The following UTRN variants were observed in gnomAD, a reference collection of about 807,000 sequenced individuals.
UTRN encodes the protein utrophin, also known as dystrophin-related protein 1.
Under a neutral mutation model 463.9 loss-of-function variants are expected in UTRN, and 283 were observed. The observed-to-expected ratio is 0.61, with a 90% CI of 0.55 to 0.67. The LOEUF is 0.67. UTRN is among the 30% of genes least tolerant of loss of function. The pLI, the probability that UTRN is intolerant of heterozygous loss-of-function variation, is 0.00. For missense variants in UTRN, 3,922 were observed against 4,084.3 expected, an observed-to-expected ratio of 0.96 and a Z score of 1.08; for synonymous variants, 1,442 against 1,431.5, an observed-to-expected ratio of 1.01 and a Z score of -0.17.
At chr6:144,459,904 C>T (rs1296075854) in intron 21 of UTRN, among the ~76,000 whole-genome samples, 1 of 151,942 alleles carries the variant, frequency 6.6e-6, no homozygotes, top group Non-Finnish European at 1.5e-5. Context: ...CCCAAAATAA[C>T]AGGTGTTAGG....
intron 51 of UTRN, among the ~76,000 whole-genome samples, chr6:144,596,177 A>G (rs1393443909): frequency 2.6e-5 from 4 of 152,200 alleles, no homozygotes; most frequent in African/African-American, 9.7e-5. Context: ...TTAATAATTC[A>G]ATAGTTTACT....
At chr6:144,400,882 A>G (rs571609467) in intron 2 of UTRN, among the ~76,000 whole-genome samples, 2 of 152,340 alleles carry the variant, frequency 1.3e-5, no homozygotes, top group South Asian at 4.1e-4. Context: ...TTTTACAAAC[A>G]TAAGAATGGG....
At chr6:144,703,853 A>G (rs1784825218) in intron 53 of UTRN, among the ~76,000 whole-genome samples, 1 of 152,186 alleles carries the variant, frequency 6.6e-6, no homozygotes, top group African/African-American at 2.4e-5. Flanking sequence ...GAAAAATCAG[A>G]TAGTAGCTGA....
chr6:144,395,216 T>C (rs2114776334), intron 2 of UTRN, among the ~76,000 whole-genome samples: 1 of 152,294 alleles, frequency 6.6e-6, no homozygotes. Context: ...ACTAATTCAC[T>C]GTGTCCTAAA....
At position 144,663,375 on chromosome 6, in the gene UTRN, A is replaced by C. The variant is rs545769919; in HGVS notation, c.7480-15031A>C. Among the ~76,000 whole-genome samples the C allele has an allele frequency of 1.4e-4, 21 of 152,290 alleles. No individual in the cohort carries two copies. In the East Asian group the frequency reaches 3.9e-3, roughly 28 times the overall value. Reference sequence around the variant, plus strand: ...CAACACACCTCTCTGAGATCCAGCCAATAGGTAGTTTTATTTGCCACGCTG... The same window carrying C: ...CAACACACCTCTCTGAGATCCAGCCCATAGGTAGTTTTATTTGCCACGCTG... On this transcript the variant is annotated intron_variant, in intron 51 of 74. Transcript: ENST00000367545.
intron 2 of UTRN, among the ~76,000 whole-genome samples, chr6:144,375,507 A>G (rs894560112): frequency 2.6e-5 from 4 of 152,126 alleles, no homozygotes; most frequent in Non-Finnish European, 5.9e-5. Flanking sequence ...TATCAATCTC[A>G]AGATCATTTC....
chr6:144,537,794 A>G (rs1797661822), intron 44 of UTRN, 77 bp downstream of exon 44: 6 of 1,518,930 alleles, frequency 4.0e-6, no homozygotes, highest in Non-Finnish European at 4.4e-6. Context: ...GCGTGTCTCA[A>G]GAAGAAAAGG....
At chr6:144,557,783 A>T (rs1799524338) in intron 50 of UTRN, among the ~76,000 whole-genome samples, 2 of 152,202 alleles carry the variant, frequency 1.3e-5, no homozygotes, top group South Asian at 4.1e-4. Context: ...TGCATTTAGG[A>T]TTTTAGTTAA....
chr6:144,378,664 T>C (rs1780663356), intron 2 of UTRN, among the ~76,000 whole-genome samples: 2 of 151,744 alleles, frequency 1.3e-5, no homozygotes, highest in South Asian at 4.2e-4. Context: ...CTGAGGAGGG[T>C]GAGTGTTTCA....
chr6:144,645,035 C>T (rs1324176961), intron 51 of UTRN, among the ~76,000 whole-genome samples: 1 of 152,170 alleles, frequency 6.6e-6, no homozygotes, highest in Non-Finnish European at 1.5e-5. Context: ...AAAGCTTCCC[C>T]TTGCTTCAGC....
chr6:144,343,045 A>G (rs1468579810), intron 2 of UTRN, among the ~76,000 whole-genome samples: 1 of 152,118 alleles, frequency 6.6e-6, no homozygotes, highest in Non-Finnish European at 1.5e-5. Flanking sequence ...AGAGATGAGG[A>G]GGAGGAGCAT....
intron 73 of UTRN, among the ~76,000 whole-genome samples, chr6:144,844,862 A>G (rs1219183091): frequency 6.6e-6 from 1 of 152,220 alleles, no homozygotes. Context: ...CCAGCATACA[A>G]TGAATTGATC....
intron 54 of UTRN, among the ~76,000 whole-genome samples, chr6:144,733,244 C>T (rs999112588): frequency 1.4e-4 from 22 of 152,238 alleles, no homozygotes; most frequent in Admixed American, 3.9e-4. Flanking sequence ...TTTGGCCGGA[C>T]GCGGTGGCTT....
At chr6:144,584,494 T>C (rs1802272585) in intron 51 of UTRN, among the ~76,000 whole-genome samples, 1 of 152,122 alleles carries the variant, frequency 6.6e-6, no homozygotes, top group Non-Finnish European at 1.5e-5. Flanking sequence ...TCATTTGTGA[T>C]CAAAACAACT....
Position 144,514,037 on chromosome 6 carries a change from G to A in UTRN, c.5073G>A (p.Lys1691=). ...KPTSKQEEIV[K]RLVSELDDAN... ...CAAGTAAACAGGAAGAAATTGTGAA[G>A]GTAGCAAACACAGACATCAGTAACG... is the stretch of plus-strand genomic sequence containing the variant. The change falls in exon 36 of 75, where the codon AAG becomes AAA. Residue 1691 remains lysine (K), a splice_region_variant and synonymous_variant. Transcript: ENST00000367545. 6.2e-7 allele frequency: 1 copy of A among 1,613,736 alleles called. No homozygotes were observed. Among genetic ancestry groups the A allele is most frequent in the Non-Finnish European group, 8.5e-7 (1 of 1,179,806 alleles).
intron 2 of UTRN, among the ~76,000 whole-genome samples, chr6:144,375,271 A>G (rs1780353636): frequency 6.6e-6 from 1 of 152,218 alleles, no homozygotes. Flanking sequence ...TTTTAGAACT[A>G]TTAACAGATG....
At chr6:144,791,889 T>C (rs1369001977) in intron 62 of UTRN, among the ~76,000 whole-genome samples, 2 of 152,198 alleles carry the variant, frequency 1.3e-5, no homozygotes, top group African/African-American at 4.8e-5. Context: ...ATAGTTGATC[T>C]TGCTGAAAAT....
rs78489416 is a variant in UTRN, at chr6:144,522,569, A to G, written c.5733+398A>G. Among the ~76,000 whole-genome samples the G allele has an allele frequency of 2.5e-3, 378 of 152,320 alleles. 13 individuals are homozygous for G. In the East Asian group the frequency reaches 0.058, roughly 23 times the overall value. On this transcript the variant is annotated intron_variant, in intron 40 of 74. Transcript: ENST00000367545. ...GGCATCTTGATTGTAAGTTAATTAA[A>G]CTTAAATTCTAGCAAGGCATTTTCA...
chr6:144,815,953 C>CG (rs1213848188), intron 65 of UTRN, among the ~76,000 whole-genome samples: 1 of 151,830 alleles, frequency 6.6e-6, no homozygotes, highest in East Asian at 2.0e-4. Context: ...TGAATGGATA[C>CG]GGACACTTAG....
Sources: allele counts gnomAD v4.1 joint callset (sites outside exome capture counted in the v4.1 genomes callset), GRCh38; gene constraint gnomAD v4.1.1; transcripts MANE v1.5; gene names NCBI Gene and HGNC (gene_info 2026-07-23, HGNC 2026-07-21).